Variants in EYA4 observed in about 807,000 individuals in gnomAD.
EYA4 encodes protein phosphatase EYA4.
EYA4 carries 31 observed loss-of-function variants against 87.9 expected under a neutral mutation model. The observed-to-expected ratio is 0.35, with a 90% CI of 0.27 to 0.48. The LOEUF (loss-of-function observed/expected upper bound fraction) is 0.48, where lower values mean the gene tolerates loss of function less well. Ranked by LOEUF, EYA4 falls within the 20% of genes least tolerant of loss-of-function variation. The probability of loss-of-function intolerance (pLI) is 0.99; values close to 1 mark genes in which losing one functional copy is unlikely to be tolerated. For synonymous variants in EYA4, 263 were observed against 270.6 expected, an observed-to-expected ratio of 0.97 and a Z score of 0.28; for missense variants, 678 against 761.4, an observed-to-expected ratio of 0.89 and a Z score of 1.29.
chr6:133,269,129 C>T (rs1419352300), intron 1 of EYA4, among the ~76,000 whole-genome samples: 6 of 152,086 alleles, frequency 3.9e-5, no homozygotes, highest in Admixed American at 2.0e-4. Context: ...CGTGGTGGCA[C>T]GCTCCTGTAG....
chr6:133,245,778 C>A (rs955774506), intron 1 of EYA4, among the ~76,000 whole-genome samples: 4 of 152,160 alleles, frequency 2.6e-5, no homozygotes, highest in African/African-American at 9.7e-5. Context: ...AGAAAATGAA[C>A]AAGAGTTACA....
intron 3 of EYA4, among the ~76,000 whole-genome samples, chr6:133,400,976 C>G (rs1473064058): frequency 6.6e-6 from 1 of 152,128 alleles, no homozygotes; most frequent in Admixed American, 6.5e-5. Context: ...CTGTCCCTCT[C>G]TTCTGGAATC....
intron 3 of EYA4, among the ~76,000 whole-genome samples, chr6:133,397,160 A>G (rs1013627185): frequency 2.0e-5 from 3 of 152,192 alleles, no homozygotes; most frequent in African/African-American, 4.8e-5. Context: ...TAACATTGCA[A>G]TGAGGGCATC....
intron 2 of EYA4, among the ~76,000 whole-genome samples, chr6:133,320,639 T>C (rs1334577060): frequency 6.6e-6 from 1 of 152,120 alleles, no homozygotes; most frequent in Non-Finnish European, 1.5e-5. Flanking sequence ...ACAGTGAACA[T>C]TGAACCTAAT....
intron 14 of EYA4, among the ~76,000 whole-genome samples, chr6:133,511,434 A>G (rs1163804213): frequency 6.6e-6 from 1 of 151,836 alleles, no homozygotes; most frequent in Non-Finnish European, 1.5e-5. Flanking sequence ...AACCATACTT[A>G]CTCTGAGGTT....
At chr6:133,294,023 T>TATATATATATATA (rs1778716379) in intron 2 of EYA4, among the ~76,000 whole-genome samples, 1 of 78,780 alleles carries the variant, frequency 1.3e-5, no homozygotes, top group African/African-American at 5.2e-5. Flanking sequence ...TAGGGTGATT[T>TATATATATATATA]TATATATATA....
intron 2 of EYA4, chr6:133,325,103 G>T (rs1781399495): frequency 6.6e-6 from 1 of 151,944 alleles, no homozygotes; most frequent in African/African-American, 2.4e-5. Flanking sequence ...GTAAAGACGG[G>T]GTTTCACCGT....
At chr6:133,440,250 C>T (rs1792139825) in intron 3 of EYA4, among the ~76,000 whole-genome samples, 1 of 151,090 alleles carries the variant, frequency 6.6e-6, no homozygotes, top group South Asian at 2.1e-4. Context: ...AATTAATTAG[C>T]ACATATAAAT....
chr6:133,250,366 G>A (rs1041750795), intron 1 of EYA4, among the ~76,000 whole-genome samples: 1 of 152,138 alleles, frequency 6.6e-6, no homozygotes, highest in Non-Finnish European at 1.5e-5. Context: ...TGGGGGCTGG[G>A]CGCGGTGGCT....
Position 133,439,049 on chromosome 6 carries a change from C to CAAAAAAAA in EYA4, c.84-7561_84-7554dup, listed in dbSNP as rs56261819. 6.9e-4 allele frequency among the ~76,000 whole-genome samples: 44 copies of CAAAAAAAA among 64,028 alleles called. 1 individual carries two copies. The highest frequency in any genetic ancestry group is 2.2e-3 in the African/African-American group (33 of 15,132). The allele number at this position is 64,028 out of a possible 152,430, so 42.0% of individuals were successfully genotyped here. On this transcript the variant is annotated intron_variant, in intron 3 of 19. Coordinates refer to ENST00000355286, the MANE Select transcript of EYA4 (RefSeq NM_004100.5). ...TGGGTGACAAAGCGAGACTCCGTCT[C>CAAAAAAAA]AAAAAAAAAAAAAAAAAAAAAAAAA...
chr6:133,363,591 C>T (rs1300372076), intron 2 of EYA4, among the ~76,000 whole-genome samples: 4 of 151,854 alleles, frequency 2.6e-5, no homozygotes, highest in Non-Finnish European at 5.9e-5. Context: ...TCTCCTGCCT[C>T]AGCCTCCCCA....
At chr6:133,267,473 C>G (rs959195203) in intron 1 of EYA4, among the ~76,000 whole-genome samples, 1 of 152,058 alleles carries the variant, frequency 6.6e-6, no homozygotes, top group Non-Finnish European at 1.5e-5. Flanking sequence ...ACCTCCGCCT[C>G]CTGGGTTCAA....
intron 3 of EYA4, among the ~76,000 whole-genome samples, chr6:133,401,951 G>A (rs1050513997): frequency 6.6e-6 from 1 of 152,126 alleles, no homozygotes; most frequent in Admixed American, 6.6e-5. Context: ...AGTGCCATGG[G>A]TGAACTGTAC....
intron 1 of EYA4, among the ~76,000 whole-genome samples, chr6:133,264,187 G>T (rs1223932070): frequency 6.6e-6 from 1 of 152,210 alleles, no homozygotes; most frequent in African/African-American, 2.4e-5. Context: ...GGAGAAGGAA[G>T]AGGAATCGTC....
intron 2 of EYA4, among the ~76,000 whole-genome samples, chr6:133,316,212 T>C (rs1328249974): frequency 3.3e-5 from 5 of 152,114 alleles, no homozygotes; most frequent in South Asian, 2.1e-4. Context: ...TAGTTGATAT[T>C]AGTGAAGGCC....
chr6:133,307,680 A>G (rs958209728), intron 2 of EYA4, among the ~76,000 whole-genome samples: 1 of 152,198 alleles, frequency 6.6e-6, no homozygotes, highest in African/African-American at 2.4e-5. Flanking sequence ...AGGCCTTACC[A>G]TGTACAGGCA....
chr6:133,298,741 A>G (rs192097415), intron 2 of EYA4, among the ~76,000 whole-genome samples: 2 of 152,208 alleles, frequency 1.3e-5, no homozygotes, highest in African/African-American at 4.8e-5. Context: ...GGCTCAGAGG[A>G]TATACTTTTA....
intron 2 of EYA4, among the ~76,000 whole-genome samples, chr6:133,323,813 A>C (rs1273798545): frequency 6.6e-6 from 1 of 152,196 alleles, no homozygotes; most frequent in Admixed American, 6.5e-5. Context: ...TATTGTTATA[A>C]ATGCTGAAGA....
chr6:133,443,058 G>T (rs1583292435), intron 3 of EYA4, among the ~76,000 whole-genome samples: 1 of 151,750 alleles, frequency 6.6e-6, no homozygotes, highest in South Asian at 2.1e-4. Flanking sequence ...ATGTTTATAA[G>T]AAATATATAT....
Sources: gnomAD v4.1 joint callset for allele counts (sites outside exome capture counted in the v4.1 genomes callset) on GRCh38, gnomAD v4.1.1 for gene constraint, MANE v1.5 for transcripts, NCBI Gene and HGNC (gene_info 2026-07-23, HGNC 2026-07-21) for gene names.